Variants in PRKD1 observed in about 807,000 individuals in gnomAD.
PRKD1 encodes serine/threonine-protein kinase D1.
A neutral mutation model predicts 95.9 loss-of-function variants in PRKD1; 63 were observed. That is an observed-to-expected ratio of 0.66 (90% CI 0.54 to 0.81). The LOEUF (loss-of-function observed/expected upper bound fraction) is 0.81. Among genes scored for constraint, PRKD1 ranks in the 30% least tolerant of loss-of-function variants. The pLI is 0.00. For missense variants in PRKD1, 1,048 were observed against 1,165.3 expected, an observed-to-expected ratio of 0.90 and a Z score of 1.47; for synonymous variants, 425 against 423.1, an observed-to-expected ratio of 1.00 and a Z score of -0.05.
At chr14:29,905,540 G>C (rs1456796541) in intron 1 of PRKD1, among the ~76,000 whole-genome samples, 1 of 152,048 alleles carries the variant, frequency 6.6e-6, no homozygotes, top group South Asian at 2.1e-4. Flanking sequence ...CTTCTGACCA[G>C]CTTCTCAGTT....
rs117650685 is a variant in PRKD1 at position 29,752,934 on chromosome 14, A to G, written c.265-27260T>C. ...TTTGCACTCCTACCACTTTCCTCCCAAAGTCATATTAGGAACAGAGTGTGG... is the reference window on the plus strand; with the variant it reads ...TTTGCACTCCTACCACTTTCCTCCCGAAGTCATATTAGGAACAGAGTGTGG... On this transcript the variant is annotated intron_variant, in intron 1 of 17. Coordinates refer to ENST00000331968, the MANE Select transcript of PRKD1 (RefSeq NM_002742.3). 2.8e-4 allele frequency among the ~76,000 whole-genome samples: 43 copies of G among 152,238 alleles called. No homozygotes were observed. In the East Asian group the frequency reaches 7.3e-3, roughly 26 times the overall value.
intron 2 of PRKD1, among the ~76,000 whole-genome samples, chr14:29,718,083 G>A (rs909853640): frequency 7.9e-5 from 12 of 152,156 alleles, no homozygotes; most frequent in Admixed American, 2.6e-4. Context: ...TCTGCTTGCT[G>A]TCTGCATTCT....
intron 4 of PRKD1, among the ~76,000 whole-genome samples, chr14:29,648,708 G>GCAGTGGTGCGATC (rs1264087930): frequency 6.6e-6 from 1 of 152,124 alleles, no homozygotes; most frequent in South Asian, 2.1e-4. Context: ...AGGCTAGAGT[G>GCAGTGGTGCGATC]CAGTGGTGCG....
rs568480015 is a variant in PRKD1, at chr14:29,877,493, T to C, written c.264+49756A>G. 3.9e-5 allele frequency among the ~76,000 whole-genome samples: 6 copies of C among 152,336 alleles called. No homozygotes were observed. In the East Asian group the frequency reaches 1.2e-3, roughly 29 times the overall value. ...GCTGTGCAGAAGCTCTTAAGTTTAA[T>C]TAGATCCCACCTATCAATGTTTGCT... is the stretch of plus-strand genomic sequence containing the variant. On this transcript the variant is annotated intron_variant, in intron 1 of 17. Coordinates refer to ENST00000331968, the MANE Select transcript of PRKD1 (RefSeq NM_002742.3).
In PRKD1 at chr14:29,653,707, C is replaced by T. The variant is rs111798599; in HGVS notation, c.696+9992G>A. Among the ~76,000 whole-genome samples the T allele has an allele frequency of 4.0e-3, 615 of 152,134 alleles. 4 individuals carry two copies. Among genetic ancestry groups the T allele is most frequent in the African/African-American group, 0.014 (579 of 41,508 alleles). On this transcript the variant is annotated intron_variant, in intron 4 of 17. Transcript: ENST00000331968. ...AGTAAGAGAATGAATGAAAATATGT[C>T]TTCTCCATGTGAAAAAAATCAATAT... is the stretch of plus-strand genomic sequence containing the variant.
At chr14:29,873,527 T>G (rs1291107973) in intron 1 of PRKD1, among the ~76,000 whole-genome samples, 1 of 152,160 alleles carries the variant, frequency 6.6e-6, no homozygotes, top group Non-Finnish European at 1.5e-5. Flanking sequence ...TAAAGAAAGA[T>G]CACTATCTAT....
At chr14:29,884,905 G>A (rs1403410584) in intron 1 of PRKD1, among the ~76,000 whole-genome samples, 1 of 152,216 alleles carries the variant, frequency 6.6e-6, no homozygotes, top group African/African-American at 2.4e-5. Context: ...GGTGGATCAC[G>A]AGGTCAGGAG....
At chr14:29,883,374 AATG>A (rs1360423699) in intron 1 of PRKD1, among the ~76,000 whole-genome samples, 1 of 152,198 alleles carries the variant, frequency 6.6e-6, no homozygotes, top group Non-Finnish European at 1.5e-5. Context: ...AAAATTTTTA[AATG>A]ATATCACAAC....
chr14:29,705,414 T>C (rs1885032886), intron 2 of PRKD1, among the ~76,000 whole-genome samples: 1 of 151,648 alleles, frequency 6.6e-6, no homozygotes, highest in Non-Finnish European at 1.5e-5. Context: ...CCTCCTTTTA[T>C]CAAACCTTTA....
intron 1 of PRKD1, among the ~76,000 whole-genome samples, chr14:29,761,088 A>C (rs1210560193): frequency 1.3e-5 from 2 of 152,166 alleles, no homozygotes. Flanking sequence ...CTACAAGTAC[A>C]TACCACTGCA....
chr14:29,649,516 C>T (rs536827595), intron 4 of PRKD1, among the ~76,000 whole-genome samples: 4 of 149,700 alleles, frequency 2.7e-5, no homozygotes, highest in Admixed American at 6.6e-5. Context: ...TTTTTTGGCT[C>T]GAGCTGCGAG....
intron 11 of PRKD1, among the ~76,000 whole-genome samples, chr14:29,628,594 C>G (rs894362581): frequency 1.6e-4 from 24 of 152,258 alleles, no homozygotes; most frequent in Admixed American, 1.2e-3. Context: ...TTGATGTGTA[C>G]AAGTGACTAT....
chr14:29,908,803 G>A (rs1040969221), intron 1 of PRKD1, among the ~76,000 whole-genome samples: 1 of 152,174 alleles, frequency 6.6e-6, no homozygotes, highest in Non-Finnish European at 1.5e-5. Context: ...ATGGTCTTAT[G>A]AGTTGTGACT....
chr14:29,778,666 C>T (rs574861170), intron 1 of PRKD1, among the ~76,000 whole-genome samples: 3 of 151,992 alleles, frequency 2.0e-5, no homozygotes, highest in East Asian at 1.9e-4. Flanking sequence ...ATCCAAAAAA[C>T]GTCCAGGACC....
Position 29,837,473 on chromosome 14 carries a change from A to G in PRKD1, c.264+89776T>C, listed in dbSNP as rs763790103. 2.8e-4 allele frequency among the ~76,000 whole-genome samples: 43 copies of G among 152,272 alleles called. 1 individual carries two copies. The highest frequency in any genetic ancestry group is 6.8e-3 in the Middle Eastern group (2 of 294). On this transcript the variant is annotated intron_variant, in intron 1 of 17. Coordinates refer to ENST00000331968, the MANE Select transcript of PRKD1 (RefSeq NM_002742.3). Reference sequence around the variant, plus strand: ...AAGAAGCTTACTATTTAACACTATAAAAGTAAAGAGGTAATCACATCCATT... The same window carrying G: ...AAGAAGCTTACTATTTAACACTATAGAAGTAAAGAGGTAATCACATCCATT...
intron 4 of PRKD1, among the ~76,000 whole-genome samples, chr14:29,646,253 G>A (rs1881114549): frequency 6.6e-6 from 1 of 152,006 alleles, no homozygotes. Flanking sequence ...GGTGTGGGAT[G>A]GGGAGGAAGG....
intron 2 of PRKD1, among the ~76,000 whole-genome samples, chr14:29,708,351 CTAT>C (rs1183668259): frequency 1.3e-5 from 2 of 152,130 alleles, no homozygotes; most frequent in Non-Finnish European, 2.9e-5. Flanking sequence ...ACAATTGAAA[CTAT>C]TATTAGAATT....
chr14:29,628,660 A>G (rs1470899014), intron 11 of PRKD1, among the ~76,000 whole-genome samples: 1 of 152,154 alleles, frequency 6.6e-6, no homozygotes, highest in Non-Finnish European at 1.5e-5. Context: ...CAACTAAGGA[A>G]TGAGAACAAT....
chr14:29,612,620 AC>A (rs1186200096), intron 13 of PRKD1, among the ~76,000 whole-genome samples: 1 of 152,136 alleles, frequency 6.6e-6, no homozygotes, highest in Non-Finnish European at 1.5e-5. Context: ...CGATGATTTA[AC>A]TTCTGACAGA....
Sources: gnomAD v4.1 joint callset for allele counts (sites outside exome capture counted in the v4.1 genomes callset) on GRCh38, gnomAD v4.1.1 for gene constraint, MANE v1.5 for transcripts, NCBI Gene and HGNC (gene_info 2026-07-23, HGNC 2026-07-21) for gene names.